HEMK2: variants seen among roughly 807,000 people sequenced by gnomAD.
HEMK2 encodes HemK methyltransferase 2, ETF1 glutamine and histone H4 lysine.
At chr21:28,841,953 C>G in the HEMK2 span, among the ~76,000 whole-genome samples, 1 of 152,194 alleles carries the variant, frequency 6.6e-6, no homozygotes, top group Non-Finnish European at 1.5e-5. Context: ...CTCTTGGAAG[C>G]TTGAGGCTGC....
At chr21:28,769,435 T>A in the HEMK2 span, among the ~76,000 whole-genome samples, 1 of 152,074 alleles carries the variant, frequency 6.6e-6, no homozygotes, top group Non-Finnish European at 1.5e-5. Flanking sequence ...GCATAATGAA[T>A]CCAGATACTT....
At chr21:28,771,466 T>C in the HEMK2 span, among the ~76,000 whole-genome samples, 2 of 148,586 alleles carry the variant, frequency 1.3e-5, no homozygotes, top group African/African-American at 4.9e-5. Flanking sequence ...TGGCACCTAG[T>C]GGGTACAGGC....
chr21:28,882,974 G>T, the HEMK2 span: 2 of 1,540,630 alleles, frequency 1.3e-6, no homozygotes, highest in East Asian at 2.3e-5. Flanking sequence ...AGATGAATAT[G>T]ATATACTTAC....
chr21:28,747,971 G>A, the HEMK2 span, among the ~76,000 whole-genome samples: 8 of 152,226 alleles, frequency 5.3e-5, no homozygotes, highest in East Asian at 1.2e-3. Flanking sequence ...TCTTCTCAAC[G>A]TGGATGCAGC....
the HEMK2 span, among the ~76,000 whole-genome samples, chr21:28,700,909 A>G: frequency 1.3e-5 from 2 of 152,156 alleles, no homozygotes; most frequent in African/African-American, 4.8e-5. Flanking sequence ...ACAAAATATT[A>G]ACAAACTGAA....
At chr21:28,681,941 G>A in the HEMK2 span, among the ~76,000 whole-genome samples, 39 of 152,172 alleles carry the variant, frequency 2.6e-4, no homozygotes, top group East Asian at 7.1e-3. Flanking sequence ...CTAAAACCAT[G>A]AAAACCCTAG....
the HEMK2 span, among the ~76,000 whole-genome samples, chr21:28,601,604 A>ATCTCTCTCTCTCTCTCTCTCTC: frequency 1.6e-5 from 2 of 126,698 alleles, no homozygotes; most frequent in Admixed American, 8.2e-5. Context: ...ACCTTCTGAC[A>ATCTCTCTCTCTCTCTCTCTCTC]TCTCTCTCTC....
At chr21:28,831,598 G>A in the HEMK2 span, among the ~76,000 whole-genome samples, 147 of 64,656 alleles carry the variant, frequency 2.3e-3, no homozygotes, top group East Asian at 4.7e-3. Flanking sequence ...AAGGAAAGAA[G>A]GAAAGAAGGA....
the HEMK2 span, among the ~76,000 whole-genome samples, chr21:28,618,295 T>C: frequency 0.079 from 11,987 of 152,166 alleles, 524 homozygotes; most frequent in South Asian, 0.14. Flanking sequence ...CAGGTTTTCA[T>C]GACTTACAAC....
the HEMK2 span, among the ~76,000 whole-genome samples, chr21:28,736,983 A>C: frequency 6.6e-6 from 1 of 152,204 alleles, no homozygotes; most frequent in Admixed American, 6.5e-5. Flanking sequence ...AAATTTGAGT[A>C]GCTGGGGAGA....
the HEMK2 span, among the ~76,000 whole-genome samples, chr21:28,646,943 T>C: frequency 6.6e-6 from 1 of 152,164 alleles, no homozygotes; most frequent in Non-Finnish European, 1.5e-5. Flanking sequence ...CCAATCCAAA[T>C]CCAAGAGAAG....
chr21:28,778,904 G>T, the HEMK2 span, among the ~76,000 whole-genome samples: 1 of 151,970 alleles, frequency 6.6e-6, no homozygotes, highest in African/African-American at 2.4e-5. Context: ...TTTTCACATG[G>T]GCTTTCACAG....
At chr21:28,638,328 G>A in the HEMK2 span, among the ~76,000 whole-genome samples, 1 of 152,080 alleles carries the variant, frequency 6.6e-6, no homozygotes, top group Admixed American at 6.5e-5. Flanking sequence ...TGTGAAAGGA[G>A]GTATAGGAAG....
chr21:28,788,044 T>C, the HEMK2 span, among the ~76,000 whole-genome samples: 1 of 151,784 alleles, frequency 6.6e-6, no homozygotes, highest in South Asian at 2.1e-4. Flanking sequence ...TATAAGGCCA[T>C]AGTCACCAAA....
At chr21:28,604,324 A>C in the HEMK2 span, among the ~76,000 whole-genome samples, 1 of 152,188 alleles carries the variant, frequency 6.6e-6, no homozygotes, top group Non-Finnish European at 1.5e-5. Context: ...TGACGAGTTG[A>C]TAGGTGCAGC....
At chr21:28,765,132 T>C in the HEMK2 span, among the ~76,000 whole-genome samples, 2,493 of 152,168 alleles carry the variant, frequency 0.016, 69 homozygotes, top group African/African-American at 0.056. Context: ...AGTGGGTATG[T>C]TGAGAAGAAA....
chr21:28,713,208 A>G, the HEMK2 span, among the ~76,000 whole-genome samples: 1 of 152,112 alleles, frequency 6.6e-6, no homozygotes, highest in South Asian at 2.1e-4. Context: ...TTTACCTCCT[A>G]AATATCTCCC....
chr21:28,739,509 C>T, the HEMK2 span, among the ~76,000 whole-genome samples: 33 of 152,280 alleles, frequency 2.2e-4, no homozygotes, highest in Admixed American at 2.0e-3. Flanking sequence ...ATGCCATCTT[C>T]GTGGCATTTT....
the HEMK2 span, among the ~76,000 whole-genome samples, chr21:28,782,773 C>A: frequency 1.3e-5 from 2 of 152,140 alleles, no homozygotes; most frequent in African/African-American, 4.8e-5. Flanking sequence ...GATGGTTACA[C>A]AACTCTGTGA....
Sources: gnomAD v4.1 joint callset for allele counts (sites outside exome capture counted in the v4.1 genomes callset) on GRCh38, gnomAD v4.1.1 for gene constraint, MANE v1.5 for transcripts, NCBI Gene and HGNC (gene_info 2026-07-23, HGNC 2026-07-21) for gene names.